FHIT: variants seen among roughly 807,000 people sequenced by gnomAD.
FHIT encodes fragile histidine triad diadenosine triphosphatase, also known as bis(5'-adenosyl)-triphosphatase.
Under a neutral mutation model 17.9 loss-of-function variants are expected in FHIT, and 19 were observed. That is an observed-to-expected ratio of 1.06 (90% CI 0.74 to 1.56). The LOEUF is 1.56. FHIT is among the 40% of genes most tolerant of loss of function. The pLI is 0.00. For synonymous variants in FHIT, 81 were observed against 69.7 expected, an observed-to-expected ratio of 1.16 and a Z score of -0.81; for missense variants, 248 against 189.2, an observed-to-expected ratio of 1.31 and a Z score of -1.82.
At chr3:61,000,704 G>C (rs1173297453) in intron 3 of FHIT, among the ~76,000 whole-genome samples, 3 of 152,144 alleles carry the variant, frequency 2.0e-5, no homozygotes, top group African/African-American at 4.8e-5. Context: ...AGTTCCGTGG[G>C]GTTTCCTTTT....
chr3:60,002,744 T>C (rs1291511656), intron 7 of FHIT, among the ~76,000 whole-genome samples: 1 of 152,160 alleles, frequency 6.6e-6, no homozygotes, highest in Admixed American at 6.5e-5. Context: ...TTTTTGTGTC[T>C]TGAGACTTAC....
chr3:60,876,414 T>A (rs782494797), intron 3 of FHIT, among the ~76,000 whole-genome samples: 12 of 152,244 alleles, frequency 7.9e-5, no homozygotes, highest in Non-Finnish European at 1.3e-4. Context: ...AGTACTGAGA[T>A]GTTTAAATAA....
At chr3:60,154,474 G>A (rs1700597017) in intron 5 of FHIT, among the ~76,000 whole-genome samples, 1 of 152,122 alleles carries the variant, frequency 6.6e-6, no homozygotes, top group Non-Finnish European at 1.5e-5. Flanking sequence ...GGCAAAAATG[G>A]CCTCTTTATA....
intron 6 of FHIT, 128 bp downstream of exon 6, chr3:60,013,878 CT>C (rs201910147): frequency 1.1e-5 from 11 of 968,986 alleles, no homozygotes; most frequent in African/African-American, 3.3e-5. Flanking sequence ...TTAGAAATCT[CT>C]TTTTTTGGCT....
chr3:59,932,661 A>G (rs1706031925), intron 7 of FHIT, among the ~76,000 whole-genome samples: 3 of 151,506 alleles, frequency 2.0e-5, no homozygotes, highest in African/African-American at 7.3e-5. Flanking sequence ...TGTTGAGAGA[A>G]CTCCTCCCTT....
intron 5 of FHIT, among the ~76,000 whole-genome samples, chr3:60,248,741 A>G (rs868499135): frequency 9.2e-5 from 14 of 152,258 alleles, no homozygotes; most frequent in Middle Eastern, 3.4e-3. Context: ...ATGCCACTTT[A>G]GCATAAGGAT....
chr3:59,881,571 G>A (rs1215221731), intron 8 of FHIT, among the ~76,000 whole-genome samples: 1 of 152,114 alleles, frequency 6.6e-6, no homozygotes, highest in Non-Finnish European at 1.5e-5. Context: ...TCTACAGGTT[G>A]AAGGACCTCC....
intron 5 of FHIT, among the ~76,000 whole-genome samples, chr3:60,250,093 A>G (rs915935031): frequency 6.6e-6 from 1 of 152,100 alleles, no homozygotes; most frequent in African/African-American, 2.4e-5. Flanking sequence ...GGACATAACC[A>G]AACCATATCA....
At chr3:61,157,586 GC>G (rs1560027612) in intron 2 of FHIT, among the ~76,000 whole-genome samples, 1 of 152,112 alleles carries the variant, frequency 6.6e-6, no homozygotes, top group Non-Finnish European at 1.5e-5. Context: ...ACTGAAGTTT[GC>G]CCAGAAGCAG....
intron 3 of FHIT, among the ~76,000 whole-genome samples, chr3:60,962,554 T>C (rs564536646): frequency 1.3e-5 from 2 of 152,368 alleles, no homozygotes; most frequent in South Asian, 4.1e-4. Flanking sequence ...CAGTATGATA[T>C]TGGCTGTGGG....
At chr3:61,000,779 A>G (rs747397896) in intron 3 of FHIT, among the ~76,000 whole-genome samples, 3 of 152,164 alleles carry the variant, frequency 2.0e-5, no homozygotes, top group African/African-American at 7.2e-5. Context: ...CAACAGGGAG[A>G]GCCTGCTCCC....
chr3:60,918,662 C>T (rs1240339807), intron 3 of FHIT, among the ~76,000 whole-genome samples: 1 of 152,082 alleles, frequency 6.6e-6, no homozygotes, highest in Non-Finnish European at 1.5e-5. Context: ...GAGAGCACAG[C>T]AGGGGCAGAC....
intron 5 of FHIT, among the ~76,000 whole-genome samples, chr3:60,411,299 A>T (rs983001302): frequency 6.6e-6 from 1 of 152,164 alleles, no homozygotes; most frequent in South Asian, 2.1e-4. Flanking sequence ...TTCTTATTTC[A>T]ACTTGGAAAT....
At chr3:60,629,953 G>T (rs2039396133) in intron 4 of FHIT, among the ~76,000 whole-genome samples, 1 of 152,074 alleles carries the variant, frequency 6.6e-6, no homozygotes, top group Non-Finnish European at 1.5e-5. Flanking sequence ...GCTCCCAAAA[G>T]GTATTTTTTG....
At chr3:59,850,957 T>C (rs536216325) in intron 8 of FHIT, among the ~76,000 whole-genome samples, 1 of 152,328 alleles carries the variant, frequency 6.6e-6, no homozygotes, top group East Asian at 1.9e-4. Context: ...TTATGGCCAA[T>C]ACTTTCTACT....
At chr3:60,583,940 C>T (rs1215536426) in intron 4 of FHIT, among the ~76,000 whole-genome samples, 1 of 152,076 alleles carries the variant, frequency 6.6e-6, no homozygotes, top group Non-Finnish European at 1.5e-5. Context: ...GGGAAATATT[C>T]TTCTTGGGGA....
At chr3:60,522,039 G>A (rs2035388525) in intron 5 of FHIT, among the ~76,000 whole-genome samples, 1 of 151,438 alleles carries the variant, frequency 6.6e-6, no homozygotes, top group Admixed American at 6.6e-5. Context: ...GTCAGAGGGT[G>A]GCAGGTGAAG....
chr3:60,959,888 T>C (rs1175201365), intron 3 of FHIT, among the ~76,000 whole-genome samples: 3 of 151,378 alleles, frequency 2.0e-5, no homozygotes, highest in South Asian at 2.1e-4. Context: ...CTTTTTCTTA[T>C]TGATTATTTC....
At chr3:60,986,012 C>T (rs184400608) in intron 3 of FHIT, among the ~76,000 whole-genome samples, 1 of 152,304 alleles carries the variant, frequency 6.6e-6, no homozygotes, top group East Asian at 1.9e-4. Context: ...TAACGCTTAC[C>T]TCCTGTCTCC....
Sources: allele counts gnomAD v4.1 joint callset (sites outside exome capture counted in the v4.1 genomes callset), GRCh38; gene constraint gnomAD v4.1.1; transcripts MANE v1.5; gene names NCBI Gene and HGNC (gene_info 2026-07-23, HGNC 2026-07-21).